The following MIPOL1 variants were observed in gnomAD, a reference collection of about 807,000 sequenced individuals.
MIPOL1 encodes the protein mirror-image polydactyly gene 1 protein.
Under a neutral mutation model 60.9 loss-of-function variants are expected in MIPOL1, and 57 were observed. The ratio of observed to expected loss-of-function variants is 0.94; its 90% confidence interval spans 0.76 to 1.17. The LOEUF is 1.17. Ranked by LOEUF, MIPOL1 falls within the 50% of genes most tolerant of loss-of-function variation. The probability of loss-of-function intolerance (pLI) is 0.00; values close to 1 mark genes in which losing one functional copy is unlikely to be tolerated. For missense variants in MIPOL1, 551 were observed against 511.6 expected (o/e 1.08, Z -0.74); for synonymous variants, 179 against 168.8 (o/e 1.06, Z -0.47).
At chr14:37,325,159 A>T (rs1296748048) in intron 9 of MIPOL1, among the ~76,000 whole-genome samples, 3 of 152,100 alleles carry the variant, frequency 2.0e-5, no homozygotes, top group Non-Finnish European at 2.9e-5. Context: ...TAGTTTTTCA[A>T]TCCATGATAT....
chr14:37,515,368 A>T (rs998625326), intron 12 of MIPOL1, among the ~76,000 whole-genome samples: 5 of 152,030 alleles, frequency 3.3e-5, no homozygotes, highest in Non-Finnish European at 7.4e-5. Flanking sequence ...AAAGTGACAA[A>T]AAAAAAGATT....
chr14:37,302,137 ATAAGT>A (rs2086323406), intron 7 of MIPOL1, among the ~76,000 whole-genome samples: 1 of 148,122 alleles, frequency 6.8e-6, no homozygotes, highest in African/African-American at 2.5e-5. Flanking sequence ...CTGCTGAATC[ATAAGT>A]TAAATCTATG....
At chr14:37,513,371 C>T (rs547731631) in intron 12 of MIPOL1, among the ~76,000 whole-genome samples, 1 of 152,156 alleles carries the variant, frequency 6.6e-6, no homozygotes, top group South Asian at 2.1e-4. Context: ...TTATTATACA[C>T]ATAGATATAC....
chr14:37,411,293 C>T (rs143378267), intron 10 of MIPOL1, among the ~76,000 whole-genome samples: 3 of 152,244 alleles, frequency 2.0e-5, no homozygotes, highest in East Asian at 1.9e-4. Context: ...TTACACAACA[C>T]ATGATTTCTT....
At position 37,547,865 on chromosome 14, in the gene MIPOL1, A is replaced by G. The variant is rs1034980516; in HGVS notation, c.*894A>G. 5 of 151,998 alleles carry G rather than the reference A, an allele frequency of 3.3e-5. No individual in the cohort carries two copies. Among genetic ancestry groups the G allele is most frequent in the African/African-American group, 9.7e-5 (4 of 41,420 alleles). 9.4% of individuals were successfully genotyped at this position (151,998 alleles called of 1,614,324 possible). A position where few individuals can be genotyped will look rare whatever the true frequency, so the allele number is the denominator to read the frequency against. ...TGTGGAGGAGGAGGATCTAATATAT[A>G]ATATTCAATACAATTGTAATGTAGA... On this transcript the variant is annotated 3_prime_UTR_variant, in exon 13 of 13. Coordinates refer to ENST00000684589, the MANE Select transcript of MIPOL1 (RefSeq NM_001388067.1).
At chr14:37,389,958 T>C (rs1222836357) in intron 10 of MIPOL1, among the ~76,000 whole-genome samples, 1 of 151,972 alleles carries the variant, frequency 6.6e-6, no homozygotes, top group Non-Finnish European at 1.5e-5. Flanking sequence ...CCCAATACTT[T>C]GGGAGGCCAA....
chr14:37,468,824 A>T (rs140851924), intron 11 of MIPOL1, among the ~76,000 whole-genome samples: 4 of 152,298 alleles, frequency 2.6e-5, no homozygotes, highest in African/African-American at 9.6e-5. Flanking sequence ...CCAAGCTGAG[A>T]TCCAAAGGAT....
intron 7 of MIPOL1, among the ~76,000 whole-genome samples, chr14:37,305,398 T>G (rs2153431760): frequency 6.6e-6 from 1 of 151,976 alleles, no homozygotes; most frequent in African/African-American, 2.4e-5. Flanking sequence ...CTACCTGTTT[T>G]GTAAATAAAG....
chr14:37,523,233 A>G (rs1395929094), intron 12 of MIPOL1, among the ~76,000 whole-genome samples: 2 of 152,134 alleles, frequency 1.3e-5, no homozygotes, highest in African/African-American at 4.8e-5. Context: ...TAATGAGTCC[A>G]TACTTCTATG....
At chr14:37,527,133 T>A (rs2153634447) in intron 12 of MIPOL1, among the ~76,000 whole-genome samples, 1 of 152,238 alleles carries the variant, frequency 6.6e-6, no homozygotes, top group South Asian at 2.1e-4. Flanking sequence ...CAATTTTTAT[T>A]GATTTATAAA....
chr14:37,385,295 T>C (rs2093034403), intron 10 of MIPOL1, among the ~76,000 whole-genome samples: 1 of 152,150 alleles, frequency 6.6e-6, no homozygotes, highest in African/African-American at 2.4e-5. Context: ...GTGATCTATT[T>C]GCTAGAGATT....
chr14:37,285,997 ACTTT>A (rs1343738057), intron 7 of MIPOL1, among the ~76,000 whole-genome samples: 5 of 152,166 alleles, frequency 3.3e-5, no homozygotes, highest in African/African-American at 1.2e-4. Flanking sequence ...CAATACAATT[ACTTT>A]CTTTATTTCT....
At chr14:37,404,489 T>C (rs1378405275) in intron 10 of MIPOL1, among the ~76,000 whole-genome samples, 2 of 152,192 alleles carry the variant, frequency 1.3e-5, no homozygotes, top group Non-Finnish European at 2.9e-5. Context: ...GCTGGAGAAG[T>C]AAGTTGGCAG....
chr14:37,463,313 G>A (rs2094561357), intron 11 of MIPOL1, among the ~76,000 whole-genome samples: 1 of 152,072 alleles, frequency 6.6e-6, no homozygotes, highest in South Asian at 2.1e-4. Context: ...TGTCCAACCG[G>A]GTCCCTCCCA....
At chr14:37,313,861 G>A (rs1033309983) in intron 9 of MIPOL1, among the ~76,000 whole-genome samples, 2 of 152,078 alleles carry the variant, frequency 1.3e-5, no homozygotes, top group African/African-American at 4.8e-5. Context: ...AGCACAGCAA[G>A]GCAAAGCAGA....
intron 10 of MIPOL1, among the ~76,000 whole-genome samples, chr14:37,421,813 G>T (rs2093877418): frequency 6.8e-6 from 1 of 147,072 alleles, no homozygotes; most frequent in South Asian, 2.1e-4. Context: ...TATAATCAGG[G>T]TTTTACAATT....
chr14:37,344,073 C>T (rs1338244192), intron 9 of MIPOL1, among the ~76,000 whole-genome samples: 1 of 152,080 alleles, frequency 6.6e-6, no homozygotes, highest in Non-Finnish European at 1.5e-5. Context: ...TATATAGACT[C>T]TTGTTTAAAG....
chr14:37,321,309 A>C (rs1411848650), intron 9 of MIPOL1, among the ~76,000 whole-genome samples: 1 of 151,974 alleles, frequency 6.6e-6, no homozygotes, highest in East Asian at 1.9e-4. Context: ...ATATGTTGAA[A>C]TATTTTTTAG....
At chr14:37,390,432 CA>C (rs2093206354) in intron 10 of MIPOL1, among the ~76,000 whole-genome samples, 1 of 151,852 alleles carries the variant, frequency 6.6e-6, no homozygotes, top group South Asian at 2.1e-4. Flanking sequence ...GATAAGACCA[CA>C]GGCTCAAAAC....
Sources: allele counts gnomAD v4.1 joint callset (sites outside exome capture counted in the v4.1 genomes callset), GRCh38; gene constraint gnomAD v4.1.1; transcripts MANE v1.5; gene names NCBI Gene and HGNC (gene_info 2026-07-23, HGNC 2026-07-21).